The following OPCML variants were observed in gnomAD, a reference collection of about 807,000 sequenced individuals.
The protein encoded by OPCML is opioid binding protein/cell adhesion molecule like, also known as opioid-binding protein/cell adhesion molecule.
In OPCML, 13 loss-of-function variants were observed where a neutral mutation model predicts 37.8. That is an observed-to-expected ratio of 0.34 (90% CI 0.22 to 0.55). The LOEUF (loss-of-function observed/expected upper bound fraction) is 0.55. Ranked by LOEUF, OPCML falls within the 20% of genes least tolerant of loss-of-function variation. The pLI is 0.91. For synonymous variants in OPCML, 176 were observed against 168.8 expected (o/e 1.04, Z -0.33); for missense variants, 341 against 435.6 (o/e 0.78, Z 1.93).
chr11:132,467,951 C>T (rs924031463), intron 4 of OPCML, among the ~76,000 whole-genome samples: 2 of 152,136 alleles, frequency 1.3e-5, no homozygotes, highest in Non-Finnish European at 2.9e-5. Context: ...TGAATAGATG[C>T]GTTCAAGGAG....
intron 2 of OPCML, among the ~76,000 whole-genome samples, chr11:132,682,886 A>C (rs969678308): frequency 6.6e-6 from 1 of 152,212 alleles, no homozygotes; most frequent in African/African-American, 2.4e-5. Flanking sequence ...TCACGCTCTC[A>C]CTTGTCACCA....
intron 3 of OPCML, among the ~76,000 whole-genome samples, chr11:132,577,029 C>T (rs985111615): frequency 6.6e-5 from 10 of 152,188 alleles, no homozygotes; most frequent in Admixed American, 1.3e-4. Context: ...TCCCTTGGGT[C>T]TCTTCCTGGT....
At chr11:132,937,514 CTGTGTGG>C (rs954968980) in intron 2 of OPCML, among the ~76,000 whole-genome samples, 7 of 146,672 alleles carry the variant, frequency 4.8e-5, no homozygotes, top group East Asian at 2.0e-4. Context: ...GTATGTGTGT[CTGTGTGG>C]TGTGTGGTGT....
intron 1 of OPCML, among the ~76,000 whole-genome samples, chr11:133,313,223 A>T (rs1156701089): frequency 1.3e-5 from 2 of 152,216 alleles, no homozygotes; most frequent in Non-Finnish European, 2.9e-5. Flanking sequence ...CTTAGCACAT[A>T]ATAGGCATTC....
At chr11:133,280,883 T>G (rs888797911) in intron 1 of OPCML, among the ~76,000 whole-genome samples, 5 of 152,126 alleles carry the variant, frequency 3.3e-5, no homozygotes, top group Non-Finnish European at 5.9e-5. Context: ...AGAAAGAAAG[T>G]TTTTATCAAG....
chr11:132,423,121 C>T (rs148588055), intron 7 of OPCML, among the ~76,000 whole-genome samples: 7 of 152,292 alleles, frequency 4.6e-5, no homozygotes, highest in African/African-American at 1.2e-4. Flanking sequence ...ACCGTCAACA[C>T]GTGCCTTTTG....
chr11:133,115,772 ATATCT>A (rs1249437347), intron 1 of OPCML, among the ~76,000 whole-genome samples: 1 of 152,106 alleles, frequency 6.6e-6, no homozygotes, highest in African/African-American at 2.4e-5. Flanking sequence ...ACATGATAAA[ATATCT>A]TATAGAATGT....
At chr11:133,053,836 C>T (rs1321931419) in intron 1 of OPCML, among the ~76,000 whole-genome samples, 1 of 152,160 alleles carries the variant, frequency 6.6e-6, no homozygotes, top group Non-Finnish European at 1.5e-5. Flanking sequence ...TTCCCAATCC[C>T]TCTTCTCAAG....
intron 2 of OPCML, among the ~76,000 whole-genome samples, chr11:132,703,206 T>C (rs1022267347): frequency 3.3e-5 from 5 of 152,166 alleles, no homozygotes; most frequent in Admixed American, 2.0e-4. Flanking sequence ...CTAAGCTATA[T>C]GGTATATAGT....
chr11:133,078,503 A>G lies in OPCML; in HGVS notation c.62-135493T>C, dbSNP rs931032833. On this transcript the variant is annotated intron_variant, in intron 1 of 7. Coordinates refer to ENST00000524381, the MANE Select transcript of OPCML (RefSeq NM_001012393.5). ...ACAAAGAAAGGAATATGTTTCAGTC[A>G]TTAGCCTGTGCCGGAGTGAAAAGGA... Among the ~76,000 whole-genome samples the G allele has an allele frequency of 1.2e-4, 19 of 152,226 alleles. No individual in the cohort carries two copies. In the East Asian group the frequency reaches 3.5e-3, roughly 28 times the overall value.
chr11:132,909,326 T>G (rs868523732), intron 2 of OPCML, among the ~76,000 whole-genome samples: 1 of 152,226 alleles, frequency 6.6e-6, no homozygotes, highest in East Asian at 1.9e-4. Flanking sequence ...AATACTTGGA[T>G]GTGTTCTTTG....
intron 3 of OPCML, among the ~76,000 whole-genome samples, chr11:132,599,211 G>A (rs1290418652): frequency 7.9e-5 from 12 of 152,100 alleles, no homozygotes; most frequent in Non-Finnish European, 1.8e-4. Flanking sequence ...GCTTGAACCC[G>A]GGAGGTGGAG....
chr11:132,850,518 T>A lies in OPCML; in HGVS notation c.146+92408A>T, dbSNP rs11223247. On this transcript the variant is annotated intron_variant, in intron 2 of 7. Transcript: ENST00000524381. ...TTATGATTCTACACTGTGGAAAGGG[T>A]GTGTGTGTGTGTGTGTGTGTGTGTG... Among the ~76,000 whole-genome samples, 60 of 65,224 alleles carry A rather than the reference T, an allele frequency of 9.2e-4. 1 individual carries two copies. The highest frequency in any genetic ancestry group is 4.9e-3 in the East Asian group (13 of 2,638). The allele number at this position is 65,224 out of a possible 152,430, so 42.8% of individuals were successfully genotyped here. A position where few individuals can be genotyped will look rare whatever the true frequency, so the allele number is the denominator to read the frequency against.
chr11:132,798,087 A>G (rs974849211), intron 2 of OPCML, among the ~76,000 whole-genome samples: 5 of 152,036 alleles, frequency 3.3e-5, no homozygotes, highest in Non-Finnish European at 7.4e-5. Flanking sequence ...TGTTTTATTT[A>G]TGTATTTATT....
intron 2 of OPCML, among the ~76,000 whole-genome samples, chr11:132,862,481 C>CAAA (rs764944630): frequency 7.7e-6 from 1 of 129,626 alleles, no homozygotes; most frequent in Non-Finnish European, 1.7e-5. Flanking sequence ...GTCATCTATA[C>CAAA]GAAAAAAAAA....
intron 2 of OPCML, among the ~76,000 whole-genome samples, chr11:132,845,177 C>T (rs1450802279): frequency 2.6e-5 from 4 of 151,884 alleles, no homozygotes; most frequent in Non-Finnish European, 1.5e-5. Context: ...TTCCTGGTGG[C>T]TTTCTTTAGT....
chr11:132,542,222 C>A (rs555647333), intron 3 of OPCML, among the ~76,000 whole-genome samples: 5 of 152,202 alleles, frequency 3.3e-5, no homozygotes, highest in African/African-American at 1.2e-4. Flanking sequence ...GGAAGGCAGA[C>A]GTGGAAAGAT....
At chr11:132,909,862 T>G (rs191166087) in intron 2 of OPCML, among the ~76,000 whole-genome samples, 35 of 152,362 alleles carry the variant, frequency 2.3e-4, no homozygotes, top group Middle Eastern at 3.4e-3. Context: ...TCTCCTGCAT[T>G]TAAAGAGTAA....
intron 1 of OPCML, among the ~76,000 whole-genome samples, chr11:133,347,551 A>G (rs775897011): frequency 1.6e-4 from 25 of 152,214 alleles, no homozygotes; most frequent in Non-Finnish European, 3.4e-4. Context: ...TATGGAATTT[A>G]CTATCCACTG....
Sources: gnomAD v4.1 joint callset for allele counts (sites outside exome capture counted in the v4.1 genomes callset) on GRCh38, gnomAD v4.1.1 for gene constraint, MANE v1.5 for transcripts, NCBI Gene and HGNC (gene_info 2026-07-23, HGNC 2026-07-21) for gene names.